SESTD1: variants seen among roughly 807,000 people sequenced by gnomAD.
SESTD1 encodes SEC14 domain and spectrin repeat-containing protein 1.
SESTD1 carries 43 observed loss-of-function variants against 101.7 expected under a neutral mutation model. That is an observed-to-expected ratio of 0.42 (90% CI 0.33 to 0.55). The LOEUF is 0.55. SESTD1 is among the 20% of genes least tolerant of loss of function. The pLI is 0.07. For missense variants in SESTD1, 647 were observed against 815.1 expected (o/e 0.79, Z 2.51); for synonymous variants, 283 against 286.8 (o/e 0.99, Z 0.13).
chr2:179,161,228 A>G (rs2045730642), intron 5 of SESTD1, among the ~76,000 whole-genome samples: 1 of 151,894 alleles, frequency 6.6e-6, no homozygotes, highest in African/African-American at 2.4e-5. Context: ...GGCCTTAAAT[A>G]ACATATTATA....
chr2:179,259,893 T>C (rs1196825416), intron 1 of SESTD1, among the ~76,000 whole-genome samples: 2 of 152,226 alleles, frequency 1.3e-5, no homozygotes, highest in Non-Finnish European at 2.9e-5. Context: ...CAGATCTGTT[T>C]AGTCAATGAT....
At chr2:179,129,870 A>G (rs2044969521) in intron 10 of SESTD1, among the ~76,000 whole-genome samples, 1 of 152,188 alleles carries the variant, frequency 6.6e-6, no homozygotes. Context: ...TGGCTTTTTA[A>G]AAATATGTCA....
chr2:179,231,998 C>T (rs926788310), intron 1 of SESTD1, among the ~76,000 whole-genome samples: 2 of 151,856 alleles, frequency 1.3e-5, no homozygotes, highest in African/African-American at 4.8e-5. Context: ...TTTAATAATA[C>T]GTAAGACTGA....
At chr2:179,205,217 G>C (rs1380477773) in intron 1 of SESTD1, among the ~76,000 whole-genome samples, 1 of 119,954 alleles carries the variant, frequency 8.3e-6, no homozygotes, top group Non-Finnish European at 1.7e-5. Context: ...TTTTTACTCT[G>C]TTGCCATTTA....
intron 1 of SESTD1, among the ~76,000 whole-genome samples, chr2:179,201,207 T>C (rs2046506653): frequency 7.5e-6 from 1 of 133,522 alleles, no homozygotes; most frequent in South Asian, 2.9e-4. Context: ...GAAATGCAAA[T>C]CAAAACCACA....
At chr2:179,112,109 T>C (rs1226272077) in intron 17 of SESTD1, among the ~76,000 whole-genome samples, 1 of 152,192 alleles carries the variant, frequency 6.6e-6, no homozygotes, top group Non-Finnish European at 1.5e-5. Flanking sequence ...AGGTGTAAGA[T>C]AATCAGGACC....
chr2:179,120,834 A>C (rs1265364725), intron 13 of SESTD1, among the ~76,000 whole-genome samples: 1 of 152,198 alleles, frequency 6.6e-6, no homozygotes, highest in African/African-American at 2.4e-5. Context: ...TCTAATGCTA[A>C]AAGACAAAGA....
chr2:179,134,365 A>C (rs2045089816), intron 9 of SESTD1, among the ~76,000 whole-genome samples: 1 of 152,164 alleles, frequency 6.6e-6, no homozygotes, highest in Non-Finnish European at 1.5e-5. Flanking sequence ...ATGACTTTGC[A>C]AATCCTTTTT....
chr2:179,143,501 T>A (rs1046019904), intron 9 of SESTD1, 91 bp downstream of exon 9: 9 of 1,091,776 alleles, frequency 8.2e-6, no homozygotes, highest in Middle Eastern at 5.1e-4. Flanking sequence ...TAAGGTTTTC[T>A]ATATAGTGTA....
intron 1 of SESTD1, among the ~76,000 whole-genome samples, chr2:179,242,662 A>G (rs1322909645): frequency 6.6e-6 from 1 of 152,124 alleles, no homozygotes; most frequent in Non-Finnish European, 1.5e-5. Flanking sequence ...ATAAAGACAA[A>G]CCTCAGCCAT....
rs374426712 is a variant in SESTD1, at chr2:179,214,251, G to A, written c.-25-22385C>T. ...CAGGAGACCCATCTCACATGTAGAG[G>A]CACACATAGGCTCAAAATAAAGGGA... On this transcript the variant is annotated intron_variant, in intron 1 of 17. Transcript: ENST00000428443. 8.2e-5 allele frequency among the ~76,000 whole-genome samples: 11 copies of A among 133,790 alleles called. 2 individuals are homozygous for A. Among genetic ancestry groups the A allele is most frequent in the Non-Finnish European group, 3.2e-5 (2 of 62,552 alleles). 87.8% of individuals were successfully genotyped at this position (133,790 alleles called of 152,430 possible). A position where few individuals can be genotyped will look rare whatever the true frequency, so the allele number is the denominator to read the frequency against.
At chr2:179,196,536 C>T (rs913009364) in intron 1 of SESTD1, among the ~76,000 whole-genome samples, 2 of 152,250 alleles carry the variant, frequency 1.3e-5, no homozygotes, top group Non-Finnish European at 2.9e-5. Context: ...CAGCAGTAAC[C>T]TCTGCAGACT....
intron 2 of SESTD1, among the ~76,000 whole-genome samples, chr2:179,186,126 T>C (rs1029813095): frequency 1.3e-5 from 2 of 150,332 alleles, no homozygotes; most frequent in Admixed American, 6.7e-5. Context: ...AGACATAACA[T>C]ACTTTGAAAA....
Position 179,109,620 on chromosome 2 carries a change from T to A in SESTD1, c.*279A>T, listed in dbSNP as rs144257577. On this transcript the variant is annotated 3_prime_UTR_variant, in exon 18 of 18. Transcript: ENST00000428443. ...TTCAAAGCTTATTATCAGTTGTTTGTCTACAAACTGACAGGTCAGGTAAAG... is the reference window on the plus strand; with the variant it reads ...TTCAAAGCTTATTATCAGTTGTTTGACTACAAACTGACAGGTCAGGTAAAG... 7.0e-4 allele frequency: 315 copies of A among 451,202 alleles called. 1 individual carries two copies. Among genetic ancestry groups the A allele is most frequent in the African/African-American group, 5.7e-3 (287 of 50,566 alleles). 27.9% of individuals were successfully genotyped at this position (451,202 alleles called of 1,614,324 possible). A position where few individuals can be genotyped will look rare whatever the true frequency, so the allele number is the denominator to read the frequency against.
rs181470866 is a variant in SESTD1, at chr2:179,124,206, A to T, written c.1167+158T>A. On this transcript the variant is annotated intron_variant, in intron 11 of 17. Transcript: ENST00000428443. ...AATGACTTAAAAAATACTTGTTTTT[A>T]AAAAAAATCAAAGAATTTTATCTCA... Among the ~76,000 whole-genome samples the T allele has an allele frequency of 4.2e-3, 643 of 152,180 alleles. 2 individuals carry two copies. The highest frequency in any genetic ancestry group is 0.014 in the African/African-American group (597 of 41,528).
At chr2:179,178,205 C>T (rs1183282171) in intron 3 of SESTD1, among the ~76,000 whole-genome samples, 1 of 152,114 alleles carries the variant, frequency 6.6e-6, no homozygotes, top group Non-Finnish European at 1.5e-5. Context: ...TGAATTATAT[C>T]TCAATAAAAC....
intron 1 of SESTD1, among the ~76,000 whole-genome samples, chr2:179,206,847 A>C (rs570015430): frequency 7.5e-6 from 1 of 133,014 alleles, no homozygotes; most frequent in East Asian, 2.0e-4. Flanking sequence ...CTGGATACAA[A>C]CTCAGTGTGG....
rs2046697191 is a variant in SESTD1 at position 179,214,845 on chromosome 2, C to T, written c.-25-22979G>A. On this transcript the variant is annotated intron_variant, in intron 1 of 17. Coordinates refer to ENST00000428443, the MANE Select transcript of SESTD1 (RefSeq NM_178123.5). ...CAGGATTAAGAAACTCACTCAAAAC[C>T]ACTCAACTACATGGAAACTGAACAT... Among the ~76,000 whole-genome samples, 2 of 134,904 alleles carry T rather than the reference C, an allele frequency of 1.5e-5. 1 individual carries two copies. Among genetic ancestry groups the T allele is most frequent in the South Asian group, 5.6e-4 (2 of 3,574 alleles). The allele number at this position is 134,904 out of a possible 152,430, so 88.5% of individuals were successfully genotyped here.
At chr2:179,150,277 C>G (rs957529543) in intron 6 of SESTD1, among the ~76,000 whole-genome samples, 12 of 151,900 alleles carry the variant, frequency 7.9e-5, no homozygotes, top group African/African-American at 2.7e-4. Flanking sequence ...ACCAAAAGTT[C>G]ACCATTCTCC....
Sources: gnomAD v4.1 joint callset for allele counts (sites outside exome capture counted in the v4.1 genomes callset) on GRCh38, gnomAD v4.1.1 for gene constraint, MANE v1.5 for transcripts, NCBI Gene and HGNC (gene_info 2026-07-23, HGNC 2026-07-21) for gene names.